Variants in APPL2 observed in about 807,000 individuals in gnomAD.
The protein encoded by APPL2 is DCC-interacting protein 13-beta.
In APPL2, 84 loss-of-function variants were observed where a neutral mutation model predicts 92.7. The ratio of observed to expected loss-of-function variants is 0.91; its 90% CI spans 0.76 to 1.09. The LOEUF (loss-of-function observed/expected upper bound fraction) is 1.09, where lower values mean the gene tolerates loss of function less well. Ranked by LOEUF, APPL2 falls within the 50% of genes least tolerant of loss-of-function variation. The pLI is 0.00. For missense variants in APPL2, 736 were observed against 824.5 expected, an observed-to-expected ratio of 0.89 and a Z score of 1.31; for synonymous variants, 291 against 291.0, an observed-to-expected ratio of 1.00 and a Z score of 0.00.
At chr12:105,192,319 TG>T (rs1252207928) in intron 14 of APPL2, among the ~76,000 whole-genome samples, 1 of 152,208 alleles carries the variant, frequency 6.6e-6, no homozygotes, top group Middle Eastern at 3.2e-3. Flanking sequence ...AGACTTGCTC[TG>T]TTCTGTGCTC....
chr12:105,211,372 T>C (rs550205260), intron 4 of APPL2, 55 bp from the exon 5 acceptor site: 1 of 1,301,736 alleles, frequency 7.7e-7, no homozygotes, highest in East Asian at 2.4e-5. Context: ...ATTATTGACA[T>C]AGTCTCATTT....
At chr12:105,200,460 G>T (rs1888063740) in intron 9 of APPL2, among the ~76,000 whole-genome samples, 1 of 152,252 alleles carries the variant, frequency 6.6e-6, no homozygotes, top group African/African-American at 2.4e-5. Flanking sequence ...CCACACAGGG[G>T]TAAGTGGGCG....
At chr12:105,225,242 G>A (rs930061094) in intron 2 of APPL2, among the ~76,000 whole-genome samples, 2 of 152,064 alleles carry the variant, frequency 1.3e-5, no homozygotes, top group Admixed American at 6.5e-5. Context: ...GGAAGAGAAT[G>A]CCAGGTTACA....
chr12:105,189,997 C>T lies in APPL2; in HGVS notation c.1400G>A (p.Gly467Glu). ...AACCTCTCTCAGCCCATACCTGCTC[C>T]CTCTGTTCTGATCAAGGAATTCTGT... is the stretch of plus-strand genomic sequence containing the variant. ...PATEFLDQNRGSRRTNPFGET... is the reference protein window; with the variant it reads ...PATEFLDQNRESRRTNPFGET... Residue 467 changes from glycine (G) to glutamate (E), a missense_variant, in exon 15 of 21, where the codon GGG becomes GAG. By Grantham distance (98) the Gly-to-Glu change is moderately conservative. Transcript: ENST00000258530. 1.2e-6 allele frequency: 2 copies of T among 1,614,108 alleles called. No individual in the cohort carries two copies. Among genetic ancestry groups the T allele is most frequent in the Non-Finnish European group, 1.7e-6 (2 of 1,180,016 alleles).
rs770933955 is a variant in APPL2 at position 105,207,170 on chromosome 12, C to T, written c.512G>A (p.Arg171Gln). Residue 171 changes from arginine to glutamine, a missense_variant, in exon 8 of 21, where the codon CGG becomes CAG. Arg to Gln is a conservative substitution (Grantham distance 43). Transcript: ENST00000258530. ...TEVGKEVAAA[R>Q]RKQHLSSLQY... ...AAGGGAGGAGAGGTGCTGCTTCCGC[C>T]GGGCCGCGGCCACCTCTTTTCCGAC... 12 of 1,613,804 alleles carry T rather than the reference C, an allele frequency of 7.4e-6. No individual in the cohort carries two copies. The highest frequency in any genetic ancestry group is 5.3e-5 in the African/African-American group (4 of 74,904).
chr12:105,217,985 G>A (rs994062944), intron 2 of APPL2, among the ~76,000 whole-genome samples: 1 of 152,124 alleles, frequency 6.6e-6, no homozygotes, highest in African/African-American at 2.4e-5. Flanking sequence ...GCATGCACCT[G>A]TAGTCCCAGC....
chr12:105,225,394 C>T (rs1326168284), intron 2 of APPL2, among the ~76,000 whole-genome samples: 1 of 152,078 alleles, frequency 6.6e-6, no homozygotes, highest in Non-Finnish European at 1.5e-5. Context: ...CACTGTAAGC[C>T]CCTAACAAAT....
At chr12:105,230,973 TA>T (rs1290734617) in intron 1 of APPL2, among the ~76,000 whole-genome samples, 3 of 152,244 alleles carry the variant, frequency 2.0e-5, no homozygotes, top group Non-Finnish European at 4.4e-5. Flanking sequence ...CAAAAATTCA[TA>T]ATCACAGTAT....
At chr12:105,215,247 T>C (rs539693913) in intron 4 of APPL2, among the ~76,000 whole-genome samples, 14 of 152,244 alleles carry the variant, frequency 9.2e-5, no homozygotes, top group Admixed American at 2.0e-4. Context: ...GGCGGGATCA[T>C]GCCCTTAACT....
intron 14 of APPL2, among the ~76,000 whole-genome samples, chr12:105,193,406 A>T (rs962849406): frequency 1.3e-5 from 2 of 152,176 alleles, no homozygotes; most frequent in African/African-American, 4.8e-5. Context: ...GCATTTACTG[A>T]CTTACTCAGG....
intron 20 of APPL2, among the ~76,000 whole-genome samples, chr12:105,174,745 T>C (rs745686620): frequency 2.0e-5 from 3 of 152,236 alleles, no homozygotes; most frequent in Non-Finnish European, 4.4e-5. Context: ...TTAAACTCCT[T>C]CTTTTCTCAC....
chr12:105,178,083 G>A (rs567967687), intron 17 of APPL2, among the ~76,000 whole-genome samples: 7 of 152,218 alleles, frequency 4.6e-5, no homozygotes, highest in Non-Finnish European at 8.8e-5. Flanking sequence ...GAACCACCGC[G>A]CCAGGCCTTC....
chr12:105,229,052 C>T (rs189147624), intron 2 of APPL2, 73 bp downstream of exon 2: 5 of 1,292,490 alleles, frequency 3.9e-6, no homozygotes, highest in Middle Eastern at 2.7e-4. Context: ...AATTTCTCAA[C>T]CTCTGAGGGA....
intron 9 of APPL2, chr12:105,203,281 C>A: frequency 6.3e-6 from 1 of 157,520 alleles, no homozygotes; most frequent in Non-Finnish European, 1.4e-5. Flanking sequence ...TTAAAATAAG[C>A]AAATACAGTT....
At chr12:105,223,659 G>A (rs146942914) in intron 2 of APPL2, among the ~76,000 whole-genome samples, 277 of 152,328 alleles carry the variant, frequency 1.8e-3, no homozygotes, top group Non-Finnish European at 3.4e-3. Context: ...GATGTTTGGC[G>A]AGGAGCCAAA....
At chr12:105,216,640 C>G (rs549318045) in intron 4 of APPL2, among the ~76,000 whole-genome samples, 2 of 152,238 alleles carry the variant, frequency 1.3e-5, no homozygotes, top group Non-Finnish European at 2.9e-5. Context: ...CTGGAGCCAC[C>G]AAAAGATGCA....
chr12:105,174,229 C>G lies in APPL2; in HGVS notation c.*85G>C, dbSNP rs1389733087. On this transcript the variant is annotated 3_prime_UTR_variant, in exon 21 of 21. Transcript: ENST00000258530. ...GATTGTCAGCCTTCGGAAATCAGGT[C>G]AGTGTGCCTGTATGTCAGAGACGTT... 1.3e-6 allele frequency: 2 copies of G among 1,489,224 alleles called. No individual in the cohort carries two copies. The highest frequency in any genetic ancestry group is 1.8e-6 in the Non-Finnish European group (2 of 1,107,974). 92.3% of individuals were successfully genotyped at this position (1,489,224 alleles called of 1,614,324 possible).
At position 105,205,347 on chromosome 12, in the gene APPL2, AG is replaced by A. The variant is rs34538644; in HGVS notation, c.622-1563del. Among the ~76,000 whole-genome samples the A allele has an allele frequency of 7.6e-3, 1,154 of 152,332 alleles. 15 individuals carry two copies. Among genetic ancestry groups the A allele is most frequent in the African/African-American group, 0.026 (1,078 of 41,560 alleles). ...ACGAAAAATGAAAGATGCCATTCTC[AG>A]CTCTCAACAATGATGCTCCTGCCAC... On this transcript the variant is annotated intron_variant, in intron 8 of 20. Transcript: ENST00000258530.
chr12:105,183,474 T>C (rs1886315655), intron 17 of APPL2, among the ~76,000 whole-genome samples: 1 of 152,218 alleles, frequency 6.6e-6, no homozygotes, highest in South Asian at 2.1e-4. Context: ...TCCTTCAGCA[T>C]TTGCTTGTCT....
Sources: allele counts gnomAD v4.1 joint callset (sites outside exome capture counted in the v4.1 genomes callset), GRCh38; gene constraint gnomAD v4.1.1; transcripts MANE v1.5; gene names NCBI Gene and HGNC (gene_info 2026-07-23, HGNC 2026-07-21).